Variants in RTN1 observed in about 807,000 individuals in gnomAD.
RTN1 encodes the protein reticulon-1.
A neutral mutation model predicts 65.5 loss-of-function variants in RTN1; 25 were observed. That is an observed-to-expected ratio of 0.38 (90% confidence interval 0.28 to 0.53). The LOEUF is 0.53. Ranked by LOEUF, RTN1 falls within the 20% of genes least tolerant of loss-of-function variation. The pLI is 0.79. For synonymous variants in RTN1, 471 were observed against 447.6 expected (o/e 1.05, Z -0.66); for missense variants, 983 against 1,025.4 (o/e 0.96, Z 0.57).
At chr14:59,718,435 G>A (rs1191891640) in intron 3 of RTN1, among the ~76,000 whole-genome samples, 1 of 152,126 alleles carries the variant, frequency 6.6e-6, no homozygotes, top group African/African-American at 2.4e-5. Context: ...ATGTTCTTTA[G>A]ACTTTCTGAA....
intron 3 of RTN1, among the ~76,000 whole-genome samples, chr14:59,679,592 G>A (rs946917427): frequency 6.6e-6 from 1 of 152,164 alleles, no homozygotes; most frequent in Non-Finnish European, 1.5e-5. Flanking sequence ...TGTTATATTA[G>A]TAATCACTCT....
At chr14:59,693,186 C>T (rs985363914) in intron 3 of RTN1, among the ~76,000 whole-genome samples, 7 of 152,112 alleles carry the variant, frequency 4.6e-5, no homozygotes, top group Non-Finnish European at 7.4e-5. Context: ...TGTAAGCCAC[C>T]CAGTCTATGG....
rs1182658666 is a variant in RTN1, at chr14:59,846,131, T to A, written c.241+24259A>T. ...TATAGGATGTCAACCAGGTAGGAAT[T>A]GAAGACAAGGTCAACAATGTTACAG... On this transcript the variant is annotated intron_variant, in intron 1 of 8. Transcript: ENST00000267484. This position sits in a 1 kb window ranked among gnomAD's most constrained non-coding sequence, Gnocchi z 4.8. Among the ~76,000 whole-genome samples the A allele has an allele frequency of 6.6e-6, 1 of 152,140 alleles. No individual in the cohort carries two copies. Among genetic ancestry groups the A allele is most frequent in the Non-Finnish European group, 1.5e-5 (1 of 68,018 alleles).
chr14:59,746,486 G>A lies in RTN1; in HGVS notation c.242-5C>T. The A allele has an allele frequency of 1.3e-6, 2 of 1,568,584 alleles. No individual in the cohort carries two copies. The highest frequency in any genetic ancestry group is 2.4e-5 in the South Asian group (2 of 82,298). On this transcript the variant is annotated splice_polypyrimidine_tract_variant and splice_region_variant and intron_variant, in intron 1 of 8. Transcript: ENST00000267484. The stretch of plus-strand genomic sequence containing the variant: ...CACTGGAAACACCTGCCACACCTAT[G>A]AATCAAAGCAGCAGCAGACAGTGAG...
Position 59,790,146 on chromosome 14 carries a change from G to C in RTN1, c.242-43665C>G, listed in dbSNP as rs898870462. Among the ~76,000 whole-genome samples, 6 of 152,072 alleles carry C rather than the reference G, an allele frequency of 3.9e-5. No individual in the cohort carries two copies. The highest frequency in any genetic ancestry group is 1.4e-4 in the African/African-American group (6 of 41,420). ...CCTGAAATAATGACTTAGAAGAAAG[G>C]CTTCAAATAACCAGTCCAAGTTCAA... On this transcript the variant is annotated intron_variant, in intron 1 of 8. Coordinates refer to ENST00000267484, the MANE Select transcript of RTN1 (RefSeq NM_021136.3). The surrounding 1 kb of genome is among the most constrained non-coding windows in gnomAD (Gnocchi z 4.1).
intron 1 of RTN1, among the ~76,000 whole-genome samples, chr14:59,747,693 C>G (rs1885257501): frequency 6.6e-6 from 1 of 152,154 alleles, no homozygotes; most frequent in South Asian, 2.1e-4. Context: ...GTATGAAAAC[C>G]AACCATACCA....
At chr14:59,706,201 G>A (rs1317753891) in intron 3 of RTN1, among the ~76,000 whole-genome samples, 1 of 152,064 alleles carries the variant, frequency 6.6e-6, no homozygotes, top group Non-Finnish European at 1.5e-5. Flanking sequence ...GTATCATTCT[G>A]CCCCTCACAT....
Position 59,859,298 on chromosome 14 carries a change from G to A in RTN1, c.241+11092C>T, listed in dbSNP as rs117031116. On this transcript the variant is annotated intron_variant, in intron 1 of 8. Transcript: ENST00000267484. ...TTTCCCATCCTGTTCTCGTGATAGC[G>A]AGATCTGATGGTTTTATAAAAGGGA... Among the ~76,000 whole-genome samples, 537 of 152,266 alleles carry A rather than the reference G, an allele frequency of 3.5e-3. 20 individuals are homozygous for A. In the East Asian group the frequency reaches 0.061, roughly 17 times the overall value.
intron 3 of RTN1, among the ~76,000 whole-genome samples, chr14:59,644,348 G>C (rs1404395037): frequency 6.6e-6 from 1 of 152,152 alleles, no homozygotes; most frequent in Non-Finnish European, 1.5e-5. Flanking sequence ...CTGGGAATCG[G>C]TGAGTGAGTG....
chr14:59,630,511 C>A, intron 3 of RTN1: 1 of 1,613,552 alleles, frequency 6.2e-7, no homozygotes, highest in Non-Finnish European at 8.5e-7. Context: ...CTGCATCGTG[C>A]GGGCTTTGGG....
Position 59,794,985 on chromosome 14 carries a change from T to G in RTN1, c.242-48504A>C, listed in dbSNP as rs1886414101. The stretch of plus-strand genomic sequence containing the variant: ...CTTTACACAGATTGTTTGATTTGGG[T>G]GCAATAATCTATCTTCTATGATCTA... On this transcript the variant is annotated intron_variant, in intron 1 of 8. Transcript: ENST00000267484. The surrounding 1 kb of genome is among the most constrained non-coding windows in gnomAD (Gnocchi z 5.1). Among the ~76,000 whole-genome samples the G allele has an allele frequency of 2.0e-5, 3 of 152,186 alleles. No individual in the cohort carries two copies. The South Asian group carries it at 6.2e-4, about 31-fold the overall frequency.
In RTN1 at chr14:59,606,103, G is replaced by GATATATATATATATATATATATAT. The variant is rs68098978; in HGVS notation, c.1974-621_1974-598dup. 9 of 127,276 alleles carry GATATATATATATATATATATATAT rather than the reference G, an allele frequency of 7.1e-5. 1 individual carries two copies. Among genetic ancestry groups the GATATATATATATATATATATATAT allele is most frequent in the African/African-American group, 3.5e-4 (9 of 25,574 alleles). 7.9% of individuals were successfully genotyped at this position (127,276 alleles called of 1,614,324 possible). A position where few individuals can be genotyped will look rare whatever the true frequency, so the allele number is the denominator to read the frequency against. On this transcript the variant is annotated intron_variant, in intron 4 of 8. Transcript: ENST00000267484. ...TTTAATTCTTGGGTGGGAAAAACAT[G>GATATATATATATATATATATATAT]ATATATATATATATATATATATATC...
At chr14:59,681,757 A>G (rs1323870407) in intron 3 of RTN1, among the ~76,000 whole-genome samples, 1 of 152,140 alleles carries the variant, frequency 6.6e-6, no homozygotes, top group Non-Finnish European at 1.5e-5. Context: ...TCCACTAAGC[A>G]GCCTTCTTTT....
intron 1 of RTN1, among the ~76,000 whole-genome samples, chr14:59,780,486 TGCCAACCATTCCGGAGGAA>T (rs1293188623): frequency 1.3e-5 from 2 of 152,164 alleles, no homozygotes; most frequent in Non-Finnish European, 2.9e-5. Flanking sequence ...TACCTAATGG[TGCCAACCATTCCGGAGGAA>T]GTCAAAGCTG....
At chr14:59,644,106 A>C (rs1882839682) in intron 3 of RTN1, among the ~76,000 whole-genome samples, 1 of 152,244 alleles carries the variant, frequency 6.6e-6, no homozygotes, top group Non-Finnish European at 1.5e-5. Context: ...TGGAGATAAA[A>C]GTACAATAAC....
chr14:59,624,822 G>A lies in RTN1; in HGVS notation c.1766-17330C>T, dbSNP rs530141081. On this transcript the variant is annotated intron_variant, in intron 3 of 8. Coordinates refer to ENST00000267484, the MANE Select transcript of RTN1 (RefSeq NM_021136.3). ...ATCAACAATACATGGGTGCAAACATGCACACAACTTAGGAGGATGAGAAAT... is the reference window on the plus strand; with the variant it reads ...ATCAACAATACATGGGTGCAAACATACACACAACTTAGGAGGATGAGAAAT... Among the ~76,000 whole-genome samples, 50 of 152,260 alleles carry A rather than the reference G, an allele frequency of 3.3e-4. 1 individual carries two copies. In the South Asian group the frequency reaches 6.6e-3, roughly 20 times the overall value.
In RTN1 at chr14:59,801,134, T is replaced by G. The variant is rs568070689; in HGVS notation, c.242-54653A>C. 9.2e-5 allele frequency among the ~76,000 whole-genome samples: 14 copies of G among 152,234 alleles called. No homozygotes were observed. The South Asian group carries it at 2.9e-3, about 32-fold the overall frequency. ...ATCAAACAGGTAACATACATGTAAT[T>G]AGAATCTCAGAAATACAAGGTAGAG... On this transcript the variant is annotated intron_variant, in intron 1 of 8. Transcript: ENST00000267484.
rs1018887410 is a variant in RTN1, at chr14:59,749,208, A to G, written c.242-2727T>C. ...TCTATCTATATATATCTATATATAT[A>G]TCTATATATATCTATATATCTATAT... is the stretch of plus-strand genomic sequence containing the variant. On this transcript the variant is annotated intron_variant, in intron 1 of 8. Coordinates refer to ENST00000267484, the MANE Select transcript of RTN1 (RefSeq NM_021136.3). Among the ~76,000 whole-genome samples, 13 of 99,818 alleles carry G rather than the reference A, an allele frequency of 1.3e-4. 1 individual carries two copies. The highest frequency in any genetic ancestry group is 2.2e-4 in the Non-Finnish European group (13 of 59,762). 65.5% of individuals were successfully genotyped at this position (99,818 alleles called of 152,430 possible). A position where few individuals can be genotyped will look rare whatever the true frequency, so the allele number is the denominator to read the frequency against.
chr14:59,772,294 A>G lies in RTN1; in HGVS notation c.242-25813T>C, dbSNP rs578075853. 8.7e-4 allele frequency among the ~76,000 whole-genome samples: 129 copies of G among 148,876 alleles called. 2 individuals are homozygous for G. In the Middle Eastern group the frequency reaches 0.027, roughly 31 times the overall value. Reference sequence around the variant, plus strand: ...AAATGATTTTAAATTTGAATGTATTATGTTATCTCCCATAGATTTTTTTTC... The same window carrying G: ...AAATGATTTTAAATTTGAATGTATTGTGTTATCTCCCATAGATTTTTTTTC... On this transcript the variant is annotated intron_variant, in intron 1 of 8. Transcript: ENST00000267484.
Sources: gnomAD v4.1 joint callset for allele counts (sites outside exome capture counted in the v4.1 genomes callset) on GRCh38, gnomAD v4.1.1 for gene constraint, Gnocchi (gnomAD v3.1) non-coding constraint, MANE v1.5 for transcripts, NCBI Gene and HGNC (gene_info 2026-07-23, HGNC 2026-07-21) for gene names.